Variants in DACH2 observed in about 807,000 individuals in gnomAD.
DACH2 encodes dachshund homolog 2.
A neutral mutation model predicts 35.8 loss-of-function variants in DACH2; 17 were observed. The observed-to-expected ratio is 0.48, with a 90% CI of 0.33 to 0.71. The LOEUF is 0.71. Ranked by LOEUF, DACH2 falls within the 30% of genes least tolerant of loss-of-function variation. The probability of loss-of-function intolerance (pLI) is 0.02; values close to 1 mark genes in which losing one functional copy is unlikely to be tolerated. For missense variants in DACH2, 469 were observed against 472.7 expected, an observed-to-expected ratio of 0.99 and a Z score of 0.07; for synonymous variants, 195 against 177.3, an observed-to-expected ratio of 1.10 and a Z score of -0.79.
intron 3 of DACH2, among the ~76,000 whole-genome samples, chrX:86,534,791 C>A (rs1315726682): frequency 3.6e-5 from 4 of 111,562 alleles, no homozygotes; most frequent in Admixed American, 9.6e-5. Context: ...TGTATACTCT[C>A]TCAGTTTTCT....
intron 10 of DACH2, 126 bp downstream of exon 10, chrX:86,814,960 T>C (rs2042431643): frequency 4.0e-6 from 3 of 751,842 alleles, no homozygotes; most frequent in Admixed American, 7.7e-5. Context: ...AACACAGACA[T>C]ATTTTGTCCA....
At chrX:86,412,147 C>T (rs894928624) in intron 2 of DACH2, among the ~76,000 whole-genome samples, 1 of 111,393 alleles carries the variant, frequency 9.0e-6, no homozygotes, top group Non-Finnish European at 1.9e-5. Flanking sequence ...CCCAAAGTGT[C>T]CAGGTGGCAA....
At chrX:86,259,850 T>C (rs904047767) in intron 1 of DACH2, among the ~76,000 whole-genome samples, 4 of 111,931 alleles carry the variant, frequency 3.6e-5, no homozygotes, top group African/African-American at 1.3e-4. Context: ...CGTCATATTT[T>C]AAAAATCCTC....
At chrX:86,363,531 ATAT>A (rs1380787116) in intron 1 of DACH2, among the ~76,000 whole-genome samples, 1 of 111,808 alleles carries the variant, frequency 8.9e-6, no homozygotes, top group Non-Finnish European at 1.9e-5. Context: ...TGTCAAAAGT[ATAT>A]TATAACTGAT....
chrX:86,775,905 T>C (rs981050022), intron 7 of DACH2, among the ~76,000 whole-genome samples: 2 of 111,683 alleles, frequency 1.8e-5, no homozygotes, highest in African/African-American at 6.5e-5. Flanking sequence ...CATTATCAGG[T>C]AGATACTATT....
chrX:86,692,439 A>G (rs893119161), intron 4 of DACH2, among the ~76,000 whole-genome samples: 5 of 111,181 alleles, frequency 4.5e-5, no homozygotes, highest in African/African-American at 1.6e-4. Context: ...AGTGTATCCA[A>G]AGTTCTCACC....
chrX:86,521,547 T>C (rs1447540664), intron 3 of DACH2, among the ~76,000 whole-genome samples: 1 of 112,166 alleles, frequency 8.9e-6, no homozygotes, highest in Non-Finnish European at 1.9e-5. Context: ...TTTTACTTCC[T>C]GCCACTTGGC....
At chrX:86,322,504 C>A (rs2035034501) in intron 1 of DACH2, among the ~76,000 whole-genome samples, 1 of 111,711 alleles carries the variant, frequency 9.0e-6, no homozygotes, top group Admixed American at 9.4e-5. Flanking sequence ...CCATAATTGC[C>A]ACCCTGTGGT....
chrX:86,671,674 T>C (rs2040766645), intron 4 of DACH2, among the ~76,000 whole-genome samples: 1 of 112,028 alleles, frequency 8.9e-6, no homozygotes, highest in South Asian at 3.7e-4. Flanking sequence ...AAGTGTGATC[T>C]AATTAAAGTT....
intron 1 of DACH2, among the ~76,000 whole-genome samples, chrX:86,340,862 C>T (rs2035401041): frequency 8.9e-6 from 1 of 112,002 alleles, no homozygotes; most frequent in African/African-American, 3.2e-5. Context: ...TTTTCTTAAG[C>T]CAAAGCCTAA....
intron 3 of DACH2, among the ~76,000 whole-genome samples, chrX:86,543,692 T>A (rs1244494048): frequency 1.5e-4 from 16 of 109,911 alleles, no homozygotes; most frequent in African/African-American, 5.3e-4. Flanking sequence ...TGCAATAGTT[T>A]ACTGAGAATG....
chrX:86,281,640 G>A (rs1370704331), intron 1 of DACH2, among the ~76,000 whole-genome samples: 2 of 111,408 alleles, frequency 1.8e-5, no homozygotes, highest in Non-Finnish European at 3.8e-5. Flanking sequence ...AATATTGGAA[G>A]ATCCGGCCAG....
At chrX:86,468,772 C>T (rs1333340207) in intron 2 of DACH2, among the ~76,000 whole-genome samples, 2 of 111,347 alleles carry the variant, frequency 1.8e-5, no homozygotes, top group South Asian at 3.7e-4. Flanking sequence ...TAAATTAGTA[C>T]GGCCACTATA....
intron 1 of DACH2, among the ~76,000 whole-genome samples, chrX:86,295,391 C>A (rs931235220): frequency 8.9e-6 from 1 of 112,069 alleles, no homozygotes; most frequent in Non-Finnish European, 1.9e-5. Flanking sequence ...GCGTCGCTCA[C>A]GCTGGGAGCT....
intron 2 of DACH2, among the ~76,000 whole-genome samples, chrX:86,502,728 C>T (rs1290983071): frequency 8.9e-6 from 1 of 112,015 alleles, no homozygotes; most frequent in Non-Finnish European, 1.9e-5. Flanking sequence ...AGATAATTCC[C>T]AGAAGGAGAA....
intron 2 of DACH2, among the ~76,000 whole-genome samples, chrX:86,399,023 T>G (rs1367749729): frequency 5.4e-5 from 6 of 111,415 alleles, no homozygotes; most frequent in African/African-American, 2.0e-4. Flanking sequence ...GGAGTCTAAG[T>G]CTCTTTGTAG....
At chrX:86,756,697 C>A (rs185756054) in intron 7 of DACH2, among the ~76,000 whole-genome samples, 1 of 110,812 alleles carries the variant, frequency 9.0e-6, no homozygotes, top group Non-Finnish European at 1.9e-5. Flanking sequence ...AATTTAACTC[C>A]TTCCTTTTCA....
chrX:86,412,341 C>T (rs1444504005), intron 2 of DACH2, among the ~76,000 whole-genome samples: 1 of 111,444 alleles, frequency 9.0e-6, no homozygotes, highest in Admixed American at 9.5e-5. Flanking sequence ...GATTCCAGGA[C>T]TTATGAATCC....
intron 1 of DACH2, among the ~76,000 whole-genome samples, chrX:86,252,186 G>A (rs960334570): frequency 9.1e-6 from 1 of 109,801 alleles, no homozygotes; most frequent in South Asian, 3.9e-4. Context: ...TTTTTGATGT[G>A]ATTGATTTTT....
Sources: allele counts gnomAD v4.1 joint callset (sites outside exome capture counted in the v4.1 genomes callset), GRCh38; gene constraint gnomAD v4.1.1; transcripts MANE v1.5; gene names NCBI Gene and HGNC (gene_info 2026-07-23, HGNC 2026-07-21).